Variants in RIT2 observed in about 807,000 individuals in gnomAD.
The protein encoded by RIT2 is Ras like without CAAX 2, also known as GTP-binding protein Rit2.
In RIT2, 24 loss-of-function variants were observed where a neutral mutation model predicts 23.7. The observed-to-expected ratio is 1.01, with a 90% CI of 0.73 to 1.43. The LOEUF (loss-of-function observed/expected upper bound fraction) is 1.43. RIT2 is among the 40% of genes most tolerant of loss of function. The pLI is 0.00. For missense variants in RIT2, 236 were observed against 266.9 expected (o/e 0.88, Z 0.81); for synonymous variants, 107 against 91.1 (o/e 1.17, Z -0.99).
At chr18:43,049,643 G>A (rs1204765925) in intron 1 of RIT2, among the ~76,000 whole-genome samples, 1 of 152,098 alleles carries the variant, frequency 6.6e-6, no homozygotes, top group South Asian at 2.1e-4. Flanking sequence ...ACCTTGGGGA[G>A]AATTAATTAT....
chr18:42,972,642 C>T (rs1910388761), intron 3 of RIT2, among the ~76,000 whole-genome samples: 1 of 151,564 alleles, frequency 6.6e-6, no homozygotes, highest in African/African-American at 2.4e-5. Flanking sequence ...TAACTTTTCC[C>T]CTTTCTCCCA....
intron 1 of RIT2, among the ~76,000 whole-genome samples, chr18:43,074,739 C>T: frequency 6.6e-6 from 1 of 152,290 alleles, no homozygotes; most frequent in Admixed American, 6.5e-5. Context: ...AGATCATGTC[C>T]TTTGCAGGGA....
intron 1 of RIT2, among the ~76,000 whole-genome samples, chr18:43,045,596 GAAT>G (rs1211143108): frequency 6.6e-6 from 1 of 152,140 alleles, no homozygotes; most frequent in Non-Finnish European, 1.5e-5. Flanking sequence ...TTTGTTTGAT[GAAT>G]CTCTATCCTA....
chr18:42,970,385 G>T (rs1386387145), intron 3 of RIT2, among the ~76,000 whole-genome samples: 2 of 152,032 alleles, frequency 1.3e-5, no homozygotes, highest in Non-Finnish European at 1.5e-5. Context: ...AAAATTAAAT[G>T]CTGGAAAGAT....
chr18:42,791,906 G>A (rs1914052157), intron 4 of RIT2, among the ~76,000 whole-genome samples: 2 of 152,118 alleles, frequency 1.3e-5, no homozygotes, highest in African/African-American at 2.4e-5. Context: ...GTAATTTGTC[G>A]AAAGATGGGA....
At chr18:42,780,229 T>A (rs2143930587) in intron 4 of RIT2, among the ~76,000 whole-genome samples, 1 of 152,052 alleles carries the variant, frequency 6.6e-6, no homozygotes, top group Admixed American at 6.6e-5. Flanking sequence ...TATAATTGGT[T>A]CAGCCCTAAA....
At chr18:43,108,139 C>T (rs1256247458) in intron 1 of RIT2, among the ~76,000 whole-genome samples, 2 of 150,002 alleles carry the variant, frequency 1.3e-5, no homozygotes, top group Non-Finnish European at 3.0e-5. Flanking sequence ...TGCACCAGTG[C>T]ACTCCAGCCT....
chr18:43,075,412 T>C (rs1598772547), intron 1 of RIT2, among the ~76,000 whole-genome samples: 1 of 152,342 alleles, frequency 6.6e-6, no homozygotes, highest in Non-Finnish European at 1.5e-5. Context: ...TTGTCCATGA[T>C]TAACTTCTTT....
At chr18:42,952,304 C>G (rs1035411051) in intron 3 of RIT2, among the ~76,000 whole-genome samples, 1 of 152,000 alleles carries the variant, frequency 6.6e-6, no homozygotes, top group Non-Finnish European at 1.5e-5. Flanking sequence ...CATATGATAC[C>G]ACTTATGTGA....
At chr18:43,097,146 A>G (rs1027336735) in intron 1 of RIT2, among the ~76,000 whole-genome samples, 5 of 151,928 alleles carry the variant, frequency 3.3e-5, no homozygotes, top group Admixed American at 1.3e-4. Context: ...CAATATAATT[A>G]TATGGGGAGG....
At chr18:42,945,139 CA>C (rs1568036685) in intron 3 of RIT2, among the ~76,000 whole-genome samples, 1 of 151,812 alleles carries the variant, frequency 6.6e-6, no homozygotes, top group Non-Finnish European at 1.5e-5. Flanking sequence ...AATTTCTATC[CA>C]ATTTTATTTT....
chr18:42,847,766 G>A (rs143018288), intron 4 of RIT2, among the ~76,000 whole-genome samples: 48 of 151,882 alleles, frequency 3.2e-4, no homozygotes, highest in African/African-American at 1.2e-3. Flanking sequence ...AATTTTCAGT[G>A]TTTCAAGAAG....
At chr18:42,945,639 CTAA>C (rs1401305750) in intron 3 of RIT2, among the ~76,000 whole-genome samples, 2 of 152,140 alleles carry the variant, frequency 1.3e-5, no homozygotes, top group Non-Finnish European at 2.9e-5. Flanking sequence ...GACTTGGTTA[CTAA>C]TGTCATCATT....
At chr18:43,022,723 C>T (rs1420640508) in intron 2 of RIT2, among the ~76,000 whole-genome samples, 1 of 151,792 alleles carries the variant, frequency 6.6e-6, no homozygotes, top group Non-Finnish European at 1.5e-5. Flanking sequence ...ATTGCTATAG[C>T]CCAGCTCAGA....
intron 3 of RIT2, among the ~76,000 whole-genome samples, chr18:42,936,451 T>C (rs1367697644): frequency 6.6e-6 from 1 of 152,166 alleles, no homozygotes; most frequent in Non-Finnish European, 1.5e-5. Flanking sequence ...CAAGAGATTG[T>C]TGTTAATGAT....
At chr18:42,795,438 G>T (rs1425886469) in intron 4 of RIT2, among the ~76,000 whole-genome samples, 1 of 152,216 alleles carries the variant, frequency 6.6e-6, no homozygotes, top group African/African-American at 2.4e-5. Flanking sequence ...CGCTGCTCTC[G>T]ATTTCTCACC....
At chr18:42,949,814 G>A (rs1020355908) in intron 3 of RIT2, among the ~76,000 whole-genome samples, 11 of 151,974 alleles carry the variant, frequency 7.2e-5, no homozygotes, top group Non-Finnish European at 1.5e-4. Flanking sequence ...AAAAATAAAA[G>A]TCTCACTGAA....
chr18:42,837,666 G>A (rs1038755526), intron 4 of RIT2, among the ~76,000 whole-genome samples: 3 of 152,120 alleles, frequency 2.0e-5, no homozygotes, highest in African/African-American at 7.2e-5. Flanking sequence ...AAAACTACAT[G>A]ACAGGAAGAT....
intron 3 of RIT2, among the ~76,000 whole-genome samples, chr18:42,958,649 G>A (rs144992470): frequency 4.6e-5 from 7 of 152,080 alleles, no homozygotes; most frequent in South Asian, 4.1e-4. Flanking sequence ...ATACTAAAAC[G>A]TCAGACCATG....
Sources: gnomAD v4.1 joint callset for allele counts (sites outside exome capture counted in the v4.1 genomes callset) on GRCh38, gnomAD v4.1.1 for gene constraint, MANE v1.5 for transcripts, NCBI Gene and HGNC (gene_info 2026-07-23, HGNC 2026-07-21) for gene names.